The following NAALADL2 variants were observed in gnomAD, a reference collection of about 807,000 sequenced individuals.
NAALADL2 encodes the protein inactive N-acetylated-alpha-linked acidic dipeptidase-like protein 2.
A neutral mutation model predicts 87.2 loss-of-function variants in NAALADL2; 76 were observed. The ratio of observed to expected loss-of-function variants is 0.87; its 90% CI spans 0.72 to 1.05. The LOEUF is 1.05. NAALADL2 is among the 50% of genes least tolerant of loss of function. NAALADL2 has a pLI of 0.00. For missense variants in NAALADL2, 1,089 were observed against 945.8 expected, an observed-to-expected ratio of 1.15 and a Z score of -1.99; for synonymous variants, 354 against 331.0, an observed-to-expected ratio of 1.07 and a Z score of -0.75.
chr3:175,745,258 G>A (rs1369679492), intron 12 of NAALADL2, among the ~76,000 whole-genome samples: 1 of 152,140 alleles, frequency 6.6e-6, no homozygotes, highest in African/African-American at 2.4e-5. Flanking sequence ...TTAATATTTG[G>A]TCAATGCCAA....
At chr3:175,246,158 A>G (rs1425415882) in intron 3 of NAALADL2, among the ~76,000 whole-genome samples, 1 of 152,220 alleles carries the variant, frequency 6.6e-6, no homozygotes, top group African/African-American at 2.4e-5. Context: ...TTTTAGAAAG[A>G]AAGAAGGTAA....
intron 10 of NAALADL2, among the ~76,000 whole-genome samples, chr3:175,617,134 C>T (rs1475330787): frequency 2.0e-5 from 3 of 152,146 alleles, no homozygotes; most frequent in Non-Finnish European, 4.4e-5. Context: ...ACAACTAAGG[C>T]ATTGGGAAAA....
chr3:175,763,264 T>G (rs958596175), intron 13 of NAALADL2, among the ~76,000 whole-genome samples: 2 of 152,134 alleles, frequency 1.3e-5, no homozygotes, highest in African/African-American at 4.8e-5. Context: ...CTGGGGCATA[T>G]TCTCCTATGT....
intron 2 of NAALADL2, among the ~76,000 whole-genome samples, chr3:174,552,553 G>C (rs1435287700): frequency 6.6e-6 from 1 of 152,032 alleles, no homozygotes; most frequent in Non-Finnish European, 1.5e-5. Context: ...TCAGCACTTT[G>C]GGAGGCTGAG....
chr3:174,807,831 T>A (rs1719679275), intron 3 of NAALADL2, among the ~76,000 whole-genome samples: 2 of 151,786 alleles, frequency 1.3e-5, no homozygotes. Flanking sequence ...TCCTTTATAA[T>A]CTTAAAAATA....
intron 2 of NAALADL2, among the ~76,000 whole-genome samples, chr3:175,132,690 A>G (rs113007429): frequency 0.54 from 47,423 of 87,404 alleles, 12,513 homozygotes; most frequent in East Asian, 0.63. Context: ...CGGACGGGGC[A>G]GCTGGCTGGG....
intron 1 of NAALADL2, among the ~76,000 whole-genome samples, chr3:174,869,931 G>C (rs1727593207): frequency 6.6e-6 from 1 of 150,406 alleles, no homozygotes; most frequent in Non-Finnish European, 1.5e-5. Context: ...GGGAGGCGGA[G>C]GTTCCAGTGG....
intron 10 of NAALADL2, among the ~76,000 whole-genome samples, chr3:175,589,020 T>G (rs753717594): frequency 4.6e-5 from 7 of 152,190 alleles, no homozygotes; most frequent in Non-Finnish European, 1.0e-4. Flanking sequence ...CCAAAATATT[T>G]TAGGCAAAGA....
chr3:175,273,539 C>T (rs1023198448), intron 4 of NAALADL2, among the ~76,000 whole-genome samples: 21 of 151,910 alleles, frequency 1.4e-4, no homozygotes, highest in East Asian at 9.6e-4. Context: ...ATGTATTATA[C>T]GTTCTTAAAT....
At chr3:175,513,414 A>G (rs978741347) in intron 9 of NAALADL2, among the ~76,000 whole-genome samples, 2 of 152,208 alleles carry the variant, frequency 1.3e-5, no homozygotes, top group Non-Finnish European at 2.9e-5. Flanking sequence ...TCTGCAGAGC[A>G]GCATAAAAGA....
intron 1 of NAALADL2, among the ~76,000 whole-genome samples, chr3:175,086,723 A>G (rs1719011825): frequency 6.6e-6 from 1 of 152,096 alleles, no homozygotes; most frequent in Non-Finnish European, 1.5e-5. Context: ...TGACATAAGA[A>G]TTGCTCATTA....
intron 5 of NAALADL2, among the ~76,000 whole-genome samples, chr3:175,380,209 TA>T (rs1767630894): frequency 1.3e-5 from 2 of 152,054 alleles, no homozygotes; most frequent in African/African-American, 2.4e-5. Flanking sequence ...TAATAATAAT[TA>T]AAAAAATAAA....
chr3:174,544,420 A>C (rs776774676), intron 1 of NAALADL2, among the ~76,000 whole-genome samples: 6 of 152,018 alleles, frequency 3.9e-5, no homozygotes, highest in Non-Finnish European at 5.9e-5. Flanking sequence ...TTTCTTTCTC[A>C]TACATTAAAA....
At chr3:175,034,089 C>T (rs1753112434) in intron 1 of NAALADL2, among the ~76,000 whole-genome samples, 1 of 152,114 alleles carries the variant, frequency 6.6e-6, no homozygotes, top group Non-Finnish European at 1.5e-5. Flanking sequence ...TCTCTCATGC[C>T]ATGTATAATC....
chr3:174,746,300 A>G (rs2109023257), intron 3 of NAALADL2, among the ~76,000 whole-genome samples: 1 of 152,310 alleles, frequency 6.6e-6, no homozygotes, highest in South Asian at 2.1e-4. Context: ...ACAAGCAAAG[A>G]GCCAAATCAT....
intron 11 of NAALADL2, among the ~76,000 whole-genome samples, chr3:175,637,597 T>C (rs992759361): frequency 3.3e-5 from 5 of 152,124 alleles, no homozygotes; most frequent in Non-Finnish European, 7.4e-5. Context: ...CCTCTTGCTC[T>C]CTTGCTTGCT....
chr3:175,068,966 G>T (rs1206333891), intron 1 of NAALADL2, among the ~76,000 whole-genome samples: 1 of 151,920 alleles, frequency 6.6e-6, no homozygotes, highest in Non-Finnish European at 1.5e-5. Context: ...TAATTGTTTG[G>T]GGGAGGAGAG....
intron 2 of NAALADL2, among the ~76,000 whole-genome samples, chr3:174,637,445 T>C (rs894361566): frequency 4.6e-5 from 7 of 152,074 alleles, no homozygotes; most frequent in African/African-American, 1.7e-4. Context: ...ACCCCATAAA[T>C]ATATACAAAT....
chr3:174,637,398 C>G (rs1722753917), intron 2 of NAALADL2, among the ~76,000 whole-genome samples: 1 of 151,868 alleles, frequency 6.6e-6, no homozygotes, highest in African/African-American at 2.4e-5. Context: ...TCAATGAATA[C>G]TTATGCATTT....
Sources: allele counts gnomAD v4.1 joint callset (sites outside exome capture counted in the v4.1 genomes callset), GRCh38; gene constraint gnomAD v4.1.1; transcripts MANE v1.5; gene names NCBI Gene and HGNC (gene_info 2026-07-23, HGNC 2026-07-21).